NRXN3: variants seen among roughly 807,000 people sequenced by gnomAD.
NRXN3 encodes neurexin III.
NRXN3 carries 32 observed loss-of-function variants against 137.6 expected under a neutral mutation model. That is an observed-to-expected ratio of 0.23 (90% CI 0.18 to 0.31). The LOEUF is 0.31. Ranked by LOEUF, NRXN3 falls within the 10% of genes least tolerant of loss-of-function variation. NRXN3 has a pLI of 1.00. For missense variants in NRXN3, 1,574 were observed against 2,062.5 expected (o/e 0.76, Z 4.59); for synonymous variants, 798 against 784.5 (o/e 1.02, Z -0.29).
At chr14:78,972,961 G>T (rs1209369926) in intron 14 of NRXN3, 4 of 152,210 alleles carry the variant, frequency 2.6e-5, no homozygotes, top group Admixed American at 2.6e-4. Context: ...GATGCCCTGT[G>T]TAACCCTTGG....
At chr14:78,358,227 A>T (rs542657028) in intron 4 of NRXN3, among the ~76,000 whole-genome samples, 16 of 152,308 alleles carry the variant, frequency 1.1e-4, no homozygotes, top group Non-Finnish European at 2.1e-4. Flanking sequence ...AGCTAGGCTA[A>T]CATTTACTGA....
chr14:79,856,520 C>T (rs942215758), intron 20 of NRXN3, among the ~76,000 whole-genome samples: 7 of 152,118 alleles, frequency 4.6e-5, no homozygotes, highest in Non-Finnish European at 7.4e-5. Flanking sequence ...CCCAGAGTCT[C>T]ACTGTTCAGC....
chr14:79,714,520 A>ATAAT (rs1367435429), intron 19 of NRXN3, among the ~76,000 whole-genome samples: 1 of 152,228 alleles, frequency 6.6e-6, no homozygotes, highest in Non-Finnish European at 1.5e-5. Context: ...GAAAACATGC[A>ATAAT]TAATTTATTT....
At chr14:78,270,139 C>T (rs1468059179) in intron 2 of NRXN3, among the ~76,000 whole-genome samples, 2 of 152,158 alleles carry the variant, frequency 1.3e-5, no homozygotes, top group African/African-American at 4.8e-5. Flanking sequence ...CCAGGATTGT[C>T]ATCCAAGTCT....
chr14:79,363,775 T>C (rs1419097618), intron 15 of NRXN3, among the ~76,000 whole-genome samples: 1 of 152,216 alleles, frequency 6.6e-6, no homozygotes, highest in African/African-American at 2.4e-5. Context: ...TGCTTTTCAA[T>C]TGCTTTAGGG....
At chr14:79,723,110 A>C (rs555068952) in intron 19 of NRXN3, among the ~76,000 whole-genome samples, 38 of 152,136 alleles carry the variant, frequency 2.5e-4, no homozygotes, top group Non-Finnish European at 4.7e-4. Context: ...CCTAGGATAT[A>C]AGTGAGCACA....
chr14:79,754,702 T>C lies in NRXN3; in HGVS notation c.4015-50410T>C, dbSNP rs140054308. On this transcript the variant is annotated intron_variant, in intron 19 of 20. Coordinates refer to ENST00000335750, the MANE Select transcript of NRXN3 (RefSeq NM_001330195.2). ...CTAGGAAGAAAGATCCACTCTGATG[T>C]GTTCTGGCTCTGTGTGCCCACCCAA... is the stretch of plus-strand genomic sequence containing the variant. Among the ~76,000 whole-genome samples, 523 of 152,014 alleles carry C rather than the reference T, an allele frequency of 3.4e-3. 1 individual carries two copies. Among genetic ancestry groups the C allele is most frequent in the African/African-American group, 0.012 (491 of 41,494 alleles).
intron 2 of NRXN3, among the ~76,000 whole-genome samples, chr14:78,256,225 T>A (rs2069572665): frequency 6.6e-6 from 1 of 152,164 alleles, no homozygotes; most frequent in Non-Finnish European, 1.5e-5. Context: ...CACTCGCTCA[T>A]GTGGATTCCC....
chr14:78,813,515 T>C (rs1472764074), intron 10 of NRXN3, among the ~76,000 whole-genome samples: 1 of 149,204 alleles, frequency 6.7e-6, no homozygotes, highest in Non-Finnish European at 1.5e-5. Flanking sequence ...ACAGAGCTTC[T>C]TTTTTTTTTC....
intron 15 of NRXN3, among the ~76,000 whole-genome samples, chr14:79,314,934 C>T (rs979333005): frequency 6.6e-6 from 1 of 152,114 alleles, no homozygotes; most frequent in South Asian, 2.1e-4. Flanking sequence ...TCATCAAAGA[C>T]CAAAAGTAGC....
intron 10 of NRXN3, among the ~76,000 whole-genome samples, chr14:78,920,645 G>T (rs1206168733): frequency 6.6e-6 from 1 of 152,130 alleles, no homozygotes; most frequent in Non-Finnish European, 1.5e-5. Flanking sequence ...TACATGGAGT[G>T]CTCGGGCTAC....
intron 2 of NRXN3, among the ~76,000 whole-genome samples, chr14:78,270,484 C>G (rs2072542418): frequency 6.6e-6 from 1 of 152,172 alleles, no homozygotes; most frequent in African/African-American, 2.4e-5. Flanking sequence ...TGAGGACTTT[C>G]CCAAGGCCCT....
intron 6 of NRXN3, among the ~76,000 whole-genome samples, chr14:78,665,046 T>C (rs540116862): frequency 2.4e-4 from 36 of 152,196 alleles, no homozygotes; most frequent in Non-Finnish European, 3.4e-4. Context: ...AGAGTGGGAG[T>C]GTGTGGTGAA....
chr14:79,262,506 AAGG>A (rs1219204270), intron 15 of NRXN3, among the ~76,000 whole-genome samples: 9 of 150,520 alleles, frequency 6.0e-5, no homozygotes, highest in East Asian at 3.9e-4. Context: ...AGGAAGGAGA[AAGG>A]AGGAGGAGGA....
At chr14:79,064,285 G>A (rs1595540141) in intron 15 of NRXN3, among the ~76,000 whole-genome samples, 1 of 152,222 alleles carries the variant, frequency 6.6e-6, no homozygotes, top group South Asian at 2.1e-4. Flanking sequence ...ATAAAAACCA[G>A]GTTTAAGAGA....
intron 17 of NRXN3, among the ~76,000 whole-genome samples, chr14:79,673,866 T>C (rs1198932429): frequency 2.6e-5 from 4 of 152,004 alleles, no homozygotes; most frequent in Non-Finnish European, 4.4e-5. Flanking sequence ...CCCCAAGGGG[T>C]AGATATTACT....
intron 15 of NRXN3, among the ~76,000 whole-genome samples, chr14:79,380,270 A>G (rs967620529): frequency 1.3e-4 from 19 of 150,774 alleles, no homozygotes; most frequent in African/African-American, 4.4e-4. Flanking sequence ...ATATGTATAC[A>G]TGTGCCATGC....
chr14:79,856,247 T>C (rs1408667415), intron 20 of NRXN3, among the ~76,000 whole-genome samples: 1 of 152,166 alleles, frequency 6.6e-6, no homozygotes, highest in Non-Finnish European at 1.5e-5. Context: ...TTGCCCTGTT[T>C]GTCCATGACT....
At chr14:79,381,671 C>G in intron 15 of NRXN3, among the ~76,000 whole-genome samples, 1 of 152,232 alleles carries the variant, frequency 6.6e-6, no homozygotes, top group East Asian at 1.9e-4. Context: ...GGTTTTTGTC[C>G]TGTGGTTTTT....
Sources: gnomAD v4.1 joint callset for allele counts (sites outside exome capture counted in the v4.1 genomes callset) on GRCh38, gnomAD v4.1.1 for gene constraint, MANE v1.5 for transcripts, NCBI Gene and HGNC (gene_info 2026-07-23, HGNC 2026-07-21) for gene names.